The following TSPAN5 variants were observed in gnomAD, a reference collection of about 807,000 sequenced individuals.
TSPAN5 encodes tetraspanin 5.
In TSPAN5, 10 loss-of-function variants were observed where a neutral mutation model predicts 37.1. The ratio of observed to expected loss-of-function variants is 0.27; its 90% CI spans 0.17 to 0.46. The LOEUF (loss-of-function observed/expected upper bound fraction) is 0.46, where lower values mean the gene tolerates loss of function less well. Among genes scored for constraint, TSPAN5 ranks in the 20% least tolerant of loss-of-function variants. The probability of loss-of-function intolerance (pLI) is 1.00; values close to 1 mark genes in which losing one functional copy is unlikely to be tolerated. For synonymous variants in TSPAN5, 110 were observed against 118.9 expected (o/e 0.93, Z 0.48); for missense variants, 195 against 326.6 (o/e 0.60, Z 3.11).
intron 1 of TSPAN5, among the ~76,000 whole-genome samples, chr4:98,560,567 G>A (rs567532477): frequency 1.3e-5 from 2 of 152,248 alleles, no homozygotes; most frequent in Admixed American, 1.3e-4. Context: ...ATGAGGCTCC[G>A]CTCAGCAAAT....
intron 2 of TSPAN5, among the ~76,000 whole-genome samples, chr4:98,490,883 A>AC (rs1553909103): frequency 6.6e-6 from 1 of 151,652 alleles, no homozygotes; most frequent in East Asian, 1.9e-4. Flanking sequence ...ACATGGTGAA[A>AC]CCCCCCGTCT....
intron 1 of TSPAN5, among the ~76,000 whole-genome samples, chr4:98,585,828 G>A (rs1424805197): frequency 7.2e-5 from 11 of 152,146 alleles, no homozygotes; most frequent in African/African-American, 2.7e-4. Context: ...CACCTCTCTG[G>A]GTGCCAATCT....
At chr4:98,607,485 G>A (rs1288438252) in intron 1 of TSPAN5, among the ~76,000 whole-genome samples, 1 of 152,052 alleles carries the variant, frequency 6.6e-6, no homozygotes, top group Non-Finnish European at 1.5e-5. Context: ...TTTTACTTTG[G>A]TTTCCAGGAA....
At chr4:98,512,215 C>T (rs1303654135) in intron 1 of TSPAN5, among the ~76,000 whole-genome samples, 1 of 148,748 alleles carries the variant, frequency 6.7e-6, no homozygotes, top group African/African-American at 2.5e-5. Flanking sequence ...CCGTCTCAAA[C>T]AAAAAAGAAA....
intron 1 of TSPAN5, among the ~76,000 whole-genome samples, chr4:98,623,927 A>C (rs935118882): frequency 6.6e-6 from 1 of 152,162 alleles, no homozygotes. Context: ...TCCCAGAGTA[A>C]GTTTGGATAT....
At chr4:98,478,869 C>T (rs1752768290) in intron 4 of TSPAN5, 59 bp from the exon 5 acceptor site, 1 of 1,593,072 alleles carries the variant, frequency 6.3e-7, no homozygotes, top group South Asian at 1.1e-5. Flanking sequence ...GTCACCTACA[C>T]TCACACCCGC....
At chr4:98,648,325 A>C (rs1757112668) in intron 1 of TSPAN5, among the ~76,000 whole-genome samples, 1 of 152,204 alleles carries the variant, frequency 6.6e-6, no homozygotes, top group African/African-American at 2.4e-5. Flanking sequence ...GCTGAAAGGA[A>C]CAGCAACAGT....
At chr4:98,558,754 T>G (rs1165576064) in intron 1 of TSPAN5, among the ~76,000 whole-genome samples, 1 of 152,116 alleles carries the variant, frequency 6.6e-6, no homozygotes, top group Non-Finnish European at 1.5e-5. Context: ...CAGAGCAGAG[T>G]GGAGTTGCTT....
At chr4:98,487,781 A>G (rs1250306571) in intron 2 of TSPAN5, among the ~76,000 whole-genome samples, 1 of 152,202 alleles carries the variant, frequency 6.6e-6, no homozygotes, top group African/African-American at 2.4e-5. Flanking sequence ...TTCTTCCACA[A>G]GAACACCAAA....
chr4:98,612,068 A>T (rs1220789531), intron 1 of TSPAN5, among the ~76,000 whole-genome samples: 1 of 152,254 alleles, frequency 6.6e-6, no homozygotes, highest in Non-Finnish European at 1.5e-5. Context: ...CTAATTCTAC[A>T]CAGACACTGT....
intron 2 of TSPAN5, among the ~76,000 whole-genome samples, chr4:98,488,844 G>A (rs933279675): frequency 1.3e-5 from 2 of 152,128 alleles, no homozygotes; most frequent in East Asian, 3.9e-4. Flanking sequence ...CTTGAGGCCA[G>A]GAGTTTGAGA....
At chr4:98,584,009 A>G (rs1403583854) in intron 1 of TSPAN5, among the ~76,000 whole-genome samples, 1 of 151,802 alleles carries the variant, frequency 6.6e-6, no homozygotes, top group African/African-American at 2.4e-5. Flanking sequence ...AGTCTCAAAT[A>G]ACCCCCCATT....
intron 1 of TSPAN5, among the ~76,000 whole-genome samples, chr4:98,607,252 G>A (rs1054324392): frequency 2.6e-4 from 39 of 152,290 alleles, no homozygotes; most frequent in Non-Finnish European, 3.5e-4. Flanking sequence ...ACAGGGGAGA[G>A]AGTTCATCAA....
chr4:98,527,180 C>T (rs905706708), intron 1 of TSPAN5, among the ~76,000 whole-genome samples: 13 of 152,158 alleles, frequency 8.5e-5, no homozygotes, highest in African/African-American at 3.1e-4. Flanking sequence ...GGTTATATAA[C>T]CAGCCCATAA....
rs568031117 is a variant in TSPAN5 at position 98,576,190 on chromosome 4, CAG to C, written c.82-68464_82-68463del. Among the ~76,000 whole-genome samples, 756 of 152,016 alleles carry C rather than the reference CAG, an allele frequency of 5.0e-3. 5 individuals carry two copies. The highest frequency in any genetic ancestry group is 0.01 in the Middle Eastern group (3 of 294). Reference sequence around the variant, plus strand: ...CAAGAAAATTAAAAAAAAAATCAAACAGTATTAATTTCCTCTTTCCCCCTCAA... The same window carrying C: ...CAAGAAAATTAAAAAAAAAATCAAACTATTAATTTCCTCTTTCCCCCTCAA... On this transcript the variant is annotated intron_variant, in intron 1 of 7. Transcript: ENST00000305798.
chr4:98,628,574 A>G (rs1756661617), intron 1 of TSPAN5, among the ~76,000 whole-genome samples: 1 of 152,210 alleles, frequency 6.6e-6, no homozygotes, highest in African/African-American at 2.4e-5. Context: ...CAACACAGGT[A>G]CAGATTCCTG....
intron 1 of TSPAN5, among the ~76,000 whole-genome samples, chr4:98,599,169 C>A (rs1248871862): frequency 1.3e-5 from 2 of 152,000 alleles, no homozygotes; most frequent in Non-Finnish European, 2.9e-5. Flanking sequence ...GAGACAGGGT[C>A]TCACAGTTTC....
intron 1 of TSPAN5, among the ~76,000 whole-genome samples, chr4:98,549,454 C>T (rs1019808341): frequency 7.2e-5 from 11 of 151,966 alleles, no homozygotes; most frequent in Non-Finnish European, 1.3e-4. Flanking sequence ...AGGTGCCCTA[C>T]GCCCAGCTAG....
At chr4:98,491,457 A>C (rs1392266486) in intron 2 of TSPAN5, among the ~76,000 whole-genome samples, 1 of 152,172 alleles carries the variant, frequency 6.6e-6, no homozygotes, top group Non-Finnish European at 1.5e-5. Context: ...TGGGAGGCCA[A>C]GGCGGACAGA....
Sources: gnomAD v4.1 joint callset for allele counts (sites outside exome capture counted in the v4.1 genomes callset) on GRCh38, gnomAD v4.1.1 for gene constraint, MANE v1.5 for transcripts, NCBI Gene and HGNC (gene_info 2026-07-23, HGNC 2026-07-21) for gene names.